The following FTCDNL1 variants were observed in gnomAD, a reference collection of about 807,000 sequenced individuals.
FTCDNL1 encodes the protein formiminotransferase N-terminal subdomain-containing protein.
Under a neutral mutation model 5.9 loss-of-function variants are expected in FTCDNL1, and 11 were observed. The ratio of observed to expected loss-of-function variants is 1.87; its 90% CI spans 1.18 to 3.10. The LOEUF is 3.10. Ranked by LOEUF, FTCDNL1 falls within the 30% of genes most tolerant of loss-of-function variation. The pLI is 0.00. For missense variants in FTCDNL1, 115 were observed against 65.5 expected, an observed-to-expected ratio of 1.76 and a Z score of -2.61; for synonymous variants, 58 against 24.8, an observed-to-expected ratio of 2.34 and a Z score of -3.99.
the FTCDNL1 span, among the ~76,000 whole-genome samples, chr2:199,699,626 T>A: frequency 6.6e-6 from 1 of 152,156 alleles, no homozygotes; most frequent in African/African-American, 2.4e-5. Flanking sequence ...ATATCCCTGA[T>A]GAACACAGAC....
the FTCDNL1 span, among the ~76,000 whole-genome samples, chr2:199,745,062 C>T: frequency 6.6e-6 from 1 of 152,260 alleles, no homozygotes; most frequent in Non-Finnish European, 1.5e-5. Context: ...GGATGCCCAC[C>T]TGCCTACCTG....
intron 3 of FTCDNL1, among the ~76,000 whole-genome samples, chr2:199,771,497 A>C (rs1395807168): frequency 6.6e-6 from 1 of 152,240 alleles, no homozygotes; most frequent in Non-Finnish European, 1.5e-5. Flanking sequence ...TTCATGATAA[A>C]TACACATGTG....
chr2:199,722,397 T>G, the FTCDNL1 span, among the ~76,000 whole-genome samples: 1 of 152,180 alleles, frequency 6.6e-6, no homozygotes, highest in East Asian at 1.9e-4. Flanking sequence ...CTTTCCCCAT[T>G]GCTTGTTTTT....
At chr2:199,850,451 CATTTTGATTCCCTGTGG>C (rs1244497462) in intron 1 of FTCDNL1, among the ~76,000 whole-genome samples, 1 of 152,242 alleles carries the variant, frequency 6.6e-6, no homozygotes, top group Non-Finnish European at 1.5e-5. Flanking sequence ...TCTCATTCCA[CATTTTGATTCCCTGTGG>C]ACAGCTAAAT....
At chr2:199,760,777 G>A in exon 4 of FTCDNL1, 1 of 702,352 alleles carries the variant, frequency 1.4e-6, no homozygotes, top group Non-Finnish European at 2.6e-6. Context: ...GCCCTCCTCT[G>A]GTTCCTGGAT....
At chr2:199,747,497 T>C in the FTCDNL1 span, among the ~76,000 whole-genome samples, 1 of 152,140 alleles carries the variant, frequency 6.6e-6, no homozygotes, top group African/African-American at 2.4e-5. Flanking sequence ...AGAAGAACGT[T>C]GTAATGATTT....
chr2:199,760,599 ATAC>A (rs1195896982), exon 4 of FTCDNL1: 1 of 519,224 alleles, frequency 1.9e-6, no homozygotes, highest in Non-Finnish European at 3.5e-6. Flanking sequence ...TTTTTAAAAG[ATAC>A]ATGGGGAAAC....
the FTCDNL1 span, among the ~76,000 whole-genome samples, chr2:199,735,960 C>G: frequency 6.6e-6 from 1 of 152,200 alleles, no homozygotes; most frequent in Non-Finnish European, 1.5e-5. Flanking sequence ...CTCTAATAGC[C>G]TTTCCTTTTA....
At chr2:199,794,194 G>T (rs1277779825) in intron 3 of FTCDNL1, among the ~76,000 whole-genome samples, 1 of 152,124 alleles carries the variant, frequency 6.6e-6, no homozygotes, top group Non-Finnish European at 1.5e-5. Flanking sequence ...AAATTTAAGA[G>T]CCAGAAAATT....
At chr2:199,671,140 G>A in the FTCDNL1 span, among the ~76,000 whole-genome samples, 1 of 145,344 alleles carries the variant, frequency 6.9e-6, no homozygotes, top group African/African-American at 2.5e-5. Flanking sequence ...AACCAGGAAA[G>A]GCATAATATC....
At chr2:199,780,380 C>T (rs543244227) in intron 3 of FTCDNL1, among the ~76,000 whole-genome samples, 1 of 152,302 alleles carries the variant, frequency 6.6e-6, no homozygotes, top group African/African-American at 2.4e-5. Context: ...ATGACTCCTG[C>T]TGATGGGAAT....
At chr2:199,684,321 G>A in the FTCDNL1 span, among the ~76,000 whole-genome samples, 2 of 152,270 alleles carry the variant, frequency 1.3e-5, no homozygotes, top group Middle Eastern at 3.4e-3. Context: ...GGATGGAGCT[G>A]GGAGTGGAAT....
At chr2:199,752,174 C>A in the FTCDNL1 span, among the ~76,000 whole-genome samples, 1 of 152,156 alleles carries the variant, frequency 6.6e-6, no homozygotes, top group Non-Finnish European at 1.5e-5. Context: ...TTCAAGGATG[C>A]CTCGACTTCC....
At chr2:199,671,547 A>G in the FTCDNL1 span, among the ~76,000 whole-genome samples, 1 of 152,190 alleles carries the variant, frequency 6.6e-6, no homozygotes. Flanking sequence ...AAGTTTGACA[A>G]TATGCAAAAG....
intron 1 of FTCDNL1, among the ~76,000 whole-genome samples, chr2:199,849,648 AAATT>A (rs1383963745): frequency 3.3e-5 from 5 of 152,218 alleles, no homozygotes; most frequent in Non-Finnish European, 7.3e-5. Context: ...TTTTTGTTGA[AAATT>A]AATTATACAG....
chr2:199,688,480 T>G, the FTCDNL1 span, among the ~76,000 whole-genome samples: 1 of 151,930 alleles, frequency 6.6e-6, no homozygotes, highest in Non-Finnish European at 1.5e-5. Flanking sequence ...CCCAAGTAAT[T>G]CTGACCCTGA....
chr2:199,750,803 T>C, the FTCDNL1 span, among the ~76,000 whole-genome samples: 2 of 152,250 alleles, frequency 1.3e-5, no homozygotes, highest in African/African-American at 4.8e-5. Flanking sequence ...TCTGTTGATA[T>C]TCTCTTTATC....
the FTCDNL1 span, among the ~76,000 whole-genome samples, chr2:199,742,001 C>T: frequency 2.0e-5 from 3 of 152,108 alleles, no homozygotes; most frequent in Non-Finnish European, 4.4e-5. Flanking sequence ...CCAATACTTG[C>T]CTACCGTCTC....
rs1360622395 is a variant in FTCDNL1 at position 199,799,343 on chromosome 2, T to G, written c.212-38508A>C. On this transcript the variant is annotated intron_variant, in intron 3 of 3. Transcript: ENST00000416668. The stretch of plus-strand genomic sequence containing the variant: ...ATACACAAAATCCTTCAGAGCTTAG[T>G]TGGCCACACACTGCCACTCGACTGA... Among the ~76,000 whole-genome samples, 3 of 152,212 alleles carry G rather than the reference T, an allele frequency of 2.0e-5. No individual in the cohort carries two copies. In the East Asian group the frequency reaches 5.8e-4, roughly 29 times the overall value.
Sources: gnomAD v4.1 joint callset for allele counts (sites outside exome capture counted in the v4.1 genomes callset) on GRCh38, gnomAD v4.1.1 for gene constraint, MANE v1.5 for transcripts, NCBI Gene and HGNC (gene_info 2026-07-23, HGNC 2026-07-21) for gene names.